Variants in MBD5 observed in about 807,000 individuals in gnomAD.
The protein encoded by MBD5 is methyl-CpG-binding domain protein 5.
In MBD5, 13 loss-of-function variants were observed where a neutral mutation model predicts 117.3. That is an observed-to-expected ratio of 0.11 (90% CI 0.07 to 0.18). The LOEUF (loss-of-function observed/expected upper bound fraction) is 0.18, where lower values mean the gene tolerates loss of function less well. Ranked by LOEUF, MBD5 falls within the 10% of genes least tolerant of loss-of-function variation. The probability of loss-of-function intolerance (pLI) is 1.00; values close to 1 mark genes in which losing one functional copy is unlikely to be tolerated. For synonymous variants in MBD5, 727 were observed against 766.4 expected (o/e 0.95, Z 0.85); for missense variants, 1,879 against 2,093.8 (o/e 0.90, Z 2.00).
intron 1 of MBD5, among the ~76,000 whole-genome samples, chr2:148,155,388 G>A (rs569052645): frequency 2.0e-5 from 3 of 152,312 alleles, no homozygotes; most frequent in East Asian, 1.9e-4. Flanking sequence ...TCAGCGATAG[G>A]AGAGAGCTCA....
chr2:148,386,116 T>TA (rs753885295), intron 4 of MBD5, among the ~76,000 whole-genome samples: 257 of 147,690 alleles, frequency 1.7e-3, no homozygotes, highest in Middle Eastern at 3.5e-3. Context: ...ATAATAATAA[T>TA]AAAAAAAAAG....
At chr2:148,412,673 C>T (rs897574846) in intron 4 of MBD5, among the ~76,000 whole-genome samples, 4 of 151,956 alleles carry the variant, frequency 2.6e-5, no homozygotes, top group Non-Finnish European at 4.4e-5. Context: ...GATCTTTCAC[C>T]TCCCTAGTTA....
At position 148,254,586 on chromosome 2, in the gene MBD5, C is replaced by G. The variant is rs144439473; in HGVS notation, c.-680+21191C>G. Among the ~76,000 whole-genome samples, 124 of 152,206 alleles carry G rather than the reference C, an allele frequency of 8.1e-4. 1 individual carries two copies. The highest frequency in any genetic ancestry group is 2.9e-3 in the South Asian group (14 of 4,808). The stretch of plus-strand genomic sequence containing the variant: ...CTGGGCAACATGAGGAGAACAGTGG[C>G]AGGTACATAAGGTCACCCCCAGGTA... On this transcript the variant is annotated intron_variant, in intron 3 of 13. Coordinates refer to ENST00000642680, the MANE Select transcript of MBD5 (RefSeq NM_001378120.1).
chr2:148,112,610 T>G (rs554883097), intron 1 of MBD5, among the ~76,000 whole-genome samples: 4 of 152,340 alleles, frequency 2.6e-5, no homozygotes, highest in Admixed American at 2.6e-4. Flanking sequence ...GTGCTATTTC[T>G]TCTCCCAACA....
intron 4 of MBD5, among the ~76,000 whole-genome samples, chr2:148,383,262 G>A (rs1476027603): frequency 6.6e-6 from 1 of 152,126 alleles, no homozygotes; most frequent in Non-Finnish European, 1.5e-5. Flanking sequence ...AATAAAAAAT[G>A]ACAAAGGGGA....
At chr2:148,494,486 T>C (rs758879313) in intron 11 of MBD5, among the ~76,000 whole-genome samples, 1 of 152,168 alleles carries the variant, frequency 6.6e-6, no homozygotes. Flanking sequence ...TAAAACAATA[T>C]TAATTAGTGG....
intron 1 of MBD5, among the ~76,000 whole-genome samples, chr2:148,106,463 T>C (rs1160289528): frequency 6.6e-6 from 1 of 151,920 alleles, no homozygotes; most frequent in African/African-American, 2.4e-5. Context: ...TATGTAATTG[T>C]CTCTTGAAAA....
intron 4 of MBD5, among the ~76,000 whole-genome samples, chr2:148,353,901 T>A (rs17355834): frequency 6.6e-6 from 1 of 152,052 alleles, no homozygotes; most frequent in African/African-American, 2.4e-5. Context: ...TTTATCTCTA[T>A]TTTTAGTTTC....
rs1007764613 is a variant in MBD5, at chr2:148,515,417, T to C, written c.*2476T>C. On this transcript the variant is annotated 3_prime_UTR_variant, in exon 14 of 14. Coordinates refer to ENST00000642680, the MANE Select transcript of MBD5 (RefSeq NM_001378120.1). ...AGTAGTTTCAGTCCACGTGGGTTTT[T>C]TTCATCTCTCTTAGAGTTATATGGT... The C allele has an allele frequency of 3.3e-5, 5 of 152,212 alleles. No homozygotes were observed. The highest frequency in any genetic ancestry group is 2.6e-4 in the Admixed American group (4 of 15,290). 9.4% of individuals were successfully genotyped at this position (152,212 alleles called of 1,614,324 possible).
chr2:148,330,051 CA>C (rs1426406777), intron 3 of MBD5, among the ~76,000 whole-genome samples: 1,500 of 31,018 alleles, frequency 0.048, 142 homozygotes, highest in Non-Finnish European at 0.066. Flanking sequence ...CCGCCCCCCC[CA>C]CACACACACA....
At chr2:148,069,225 G>C (rs1224255227) in intron 1 of MBD5, among the ~76,000 whole-genome samples, 1 of 152,224 alleles carries the variant, frequency 6.6e-6, no homozygotes. Context: ...GAGCAAGTAA[G>C]ACAGAGGAGG....
intron 1 of MBD5, among the ~76,000 whole-genome samples, chr2:148,031,398 C>G (rs1694036271): frequency 6.6e-6 from 1 of 151,714 alleles, no homozygotes; most frequent in Non-Finnish European, 1.5e-5. Context: ...TGGGGAGGAC[C>G]TGAGTTAATC....
chr2:148,387,008 A>T (rs1411602561), intron 4 of MBD5, among the ~76,000 whole-genome samples: 3 of 152,206 alleles, frequency 2.0e-5, no homozygotes, highest in African/African-American at 7.2e-5. Context: ...AAACTTATGC[A>T]TTCCTCCAGA....
At chr2:148,289,286 T>G (rs1701443031) in intron 3 of MBD5, among the ~76,000 whole-genome samples, 1 of 152,248 alleles carries the variant, frequency 6.6e-6, no homozygotes, top group Non-Finnish European at 1.5e-5. Flanking sequence ...TAACAATTTC[T>G]CCTTTTATGA....
chr2:148,375,428 T>C (rs963699677), intron 4 of MBD5, among the ~76,000 whole-genome samples: 2 of 152,190 alleles, frequency 1.3e-5, no homozygotes, highest in Non-Finnish European at 2.9e-5. Flanking sequence ...ATGCAGCACT[T>C]ACTATGCACG....
intron 4 of MBD5, among the ~76,000 whole-genome samples, chr2:148,413,211 T>G (rs1705316686): frequency 6.6e-6 from 1 of 152,286 alleles, no homozygotes; most frequent in Non-Finnish European, 1.5e-5. Context: ...TCTGCGTCTA[T>G]TAAGATGATC....
chr2:148,023,557 C>T (rs1693824050), intron 1 of MBD5, among the ~76,000 whole-genome samples: 1 of 152,166 alleles, frequency 6.6e-6, no homozygotes, highest in Non-Finnish European at 1.5e-5. Flanking sequence ...TTTCTCCCAA[C>T]ATCAATACTG....
intron 4 of MBD5, among the ~76,000 whole-genome samples, chr2:148,375,433 T>G (rs1420768691): frequency 1.3e-5 from 2 of 152,310 alleles, no homozygotes; most frequent in Non-Finnish European, 2.9e-5. Flanking sequence ...GCACTTACTA[T>G]GCACGAATCT....
chr2:148,120,652 C>T (rs1558934044), intron 1 of MBD5, among the ~76,000 whole-genome samples: 2 of 152,192 alleles, frequency 1.3e-5, no homozygotes, highest in Non-Finnish European at 1.5e-5. Context: ...CCTTACTGAA[C>T]TCATTTATTA....
Sources: allele counts gnomAD v4.1 joint callset (sites outside exome capture counted in the v4.1 genomes callset), GRCh38; gene constraint gnomAD v4.1.1; transcripts MANE v1.5; gene names NCBI Gene and HGNC (gene_info 2026-07-23, HGNC 2026-07-21).